The following DDX31 variants were observed in gnomAD, a reference collection of about 807,000 sequenced individuals.
DDX31 encodes ATP-dependent DNA helicase DDX31.
A neutral mutation model predicts 91.3 loss-of-function variants in DDX31; 70 were observed. The observed-to-expected ratio is 0.77, with a 90% CI of 0.63 to 0.94. The LOEUF (loss-of-function observed/expected upper bound fraction) is 0.94. Ranked by LOEUF, DDX31 falls within the 40% of genes least tolerant of loss-of-function variation. The pLI, the probability that DDX31 is intolerant of heterozygous loss-of-function variation, is 0.00. For synonymous variants in DDX31, 362 were observed against 350.6 expected, an observed-to-expected ratio of 1.03 and a Z score of -0.36; for missense variants, 902 against 925.0, an observed-to-expected ratio of 0.98 and a Z score of 0.32.
chr9:132,665,832 C>T (rs992494093), intron 1 of DDX31, among the ~76,000 whole-genome samples: 5 of 152,162 alleles, frequency 3.3e-5, no homozygotes, highest in South Asian at 2.1e-4. Context: ...GTACTGTTAT[C>T]ATCTCATTTT....
At chr9:132,646,142 T>G in intron 12 of DDX31, 71 bp from the exon 13 acceptor site, 1 of 1,492,888 alleles carries the variant, frequency 6.7e-7, no homozygotes, top group African/African-American at 1.4e-5. Context: ...AATATTTCTC[T>G]AAACTATACA....
chr9:132,635,066 C>T (rs1833023149), intron 14 of DDX31, among the ~76,000 whole-genome samples: 2 of 152,180 alleles, frequency 1.3e-5, no homozygotes, highest in African/African-American at 4.8e-5. Context: ...ATTTGTCTAA[C>T]TGCTTCCTCA....
intron 16 of DDX31, among the ~76,000 whole-genome samples, chr9:132,627,901 C>T (rs1037547125): frequency 2.6e-5 from 4 of 152,234 alleles, no homozygotes; most frequent in African/African-American, 9.6e-5. Flanking sequence ...TGTTCTCAGG[C>T]ACGAAACATG....
At chr9:132,669,405 A>G (rs1835559867) in intron 1 of DDX31, among the ~76,000 whole-genome samples, 1 of 152,098 alleles carries the variant, frequency 6.6e-6, no homozygotes, top group African/African-American at 2.4e-5. Flanking sequence ...GTTAAATGAA[A>G]GCCATCTGAT....
intron 12 of DDX31, 124 bp downstream of exon 12, chr9:132,646,699 G>A (rs1016701548): frequency 1.2e-6 from 1 of 864,794 alleles, no homozygotes. Flanking sequence ...TCTGCATCCG[G>A]AATGCAGACA....
intron 17 of DDX31, 57 bp from the exon 18 acceptor site, chr9:132,618,498 A>G (rs545843112): frequency 7.5e-6 from 11 of 1,471,482 alleles, no homozygotes; most frequent in Middle Eastern, 1.8e-4. Context: ...GGAATAATGA[A>G]GCAGTTTATA....
chr9:132,626,722 C>A (rs1262416246), intron 16 of DDX31, among the ~76,000 whole-genome samples: 2 of 151,742 alleles, frequency 1.3e-5, no homozygotes, highest in Admixed American at 6.6e-5. Flanking sequence ...CCCCCTTTCA[C>A]CCAAAGGTTA....
At chr9:132,658,183 G>A (rs1173526589) in intron 6 of DDX31, 1 of 664,596 alleles carries the variant, frequency 1.5e-6, no homozygotes, top group African/African-American at 1.8e-5. Context: ...ACATAGCACA[G>A]GAGCCAGGAA....
At chr9:132,614,838 A>C (rs1299540595) in intron 18 of DDX31, among the ~76,000 whole-genome samples, 4 of 152,096 alleles carry the variant, frequency 2.6e-5, no homozygotes, top group Non-Finnish European at 5.9e-5. Flanking sequence ...ATTTTTACTA[A>C]ACCTCCTTGT....
chr9:132,639,688 G>C (rs926160802), intron 14 of DDX31, among the ~76,000 whole-genome samples: 12 of 152,190 alleles, frequency 7.9e-5, no homozygotes, highest in African/African-American at 2.9e-4. Flanking sequence ...ACAAACAACA[G>C]AACTTCAGAT....
intron 19 of DDX31, among the ~76,000 whole-genome samples, chr9:132,605,588 G>A (rs151043869): frequency 1.3e-5 from 2 of 152,288 alleles, no homozygotes; most frequent in African/African-American, 2.4e-5. Flanking sequence ...AGGGGCAGAC[G>A]CTGACCACAC....
intron 16 of DDX31, among the ~76,000 whole-genome samples, chr9:132,629,205 CAAAT>C (rs1346391508): frequency 6.6e-6 from 1 of 152,116 alleles, no homozygotes; most frequent in Admixed American, 6.5e-5. Context: ...TCTTCCTTAA[CAAAT>C]AAAAACCACT....
chr9:132,640,158 G>A (rs1833401467), intron 14 of DDX31, among the ~76,000 whole-genome samples: 1 of 152,186 alleles, frequency 6.6e-6, no homozygotes, highest in Non-Finnish European at 1.5e-5. Flanking sequence ...CAGACCAGGT[G>A]GGATGATCAT....
At chr9:132,620,853 G>C (rs987012129) in intron 17 of DDX31, among the ~76,000 whole-genome samples, 1 of 152,088 alleles carries the variant, frequency 6.6e-6, no homozygotes, top group African/African-American at 2.4e-5. Context: ...CCAAGACACA[G>C]AGTCAGTACT....
chr9:132,663,574 G>A lies in DDX31; in HGVS notation c.76-879C>T, dbSNP rs910211483. On this transcript the variant is annotated intron_variant, in intron 1 of 19. Transcript: ENST00000372159. Reference sequence around the variant, plus strand: ...TGGCCTTCTTTTCTGATTTACAAATGAATATAAAAGCATCCCTTGAGTAGC... The same window carrying A: ...TGGCCTTCTTTTCTGATTTACAAATAAATATAAAAGCATCCCTTGAGTAGC... 7 of 963,268 alleles carry A rather than the reference G, an allele frequency of 7.3e-6. No individual in the cohort carries two copies. The African/African-American group carries it at 8.8e-5, about 12-fold the overall frequency. The allele number at this position is 963,268 out of a possible 1,614,324, so 59.7% of individuals were successfully genotyped here.
rs760914075 is a variant in DDX31, at chr9:132,612,314, G to A, written c.1826-59C>T. ...AGGACCGGGGTCTCCAAGCTCCAAA[G>A]TGCCCGGCCTAATGGTTATCTTCTG... On this transcript the variant is annotated intron_variant, in intron 18 of 19. Transcript: ENST00000372159. The A allele has an allele frequency of 5.6e-6, 9 of 1,601,582 alleles. No homozygotes were observed. In the African/African-American group the frequency reaches 8.0e-5, roughly 14 times the overall value.
At chr9:132,634,236 A>G (rs1377585733) in intron 14 of DDX31, among the ~76,000 whole-genome samples, 2 of 152,166 alleles carry the variant, frequency 1.3e-5, no homozygotes, top group African/African-American at 2.4e-5. Flanking sequence ...TTATTTAGAA[A>G]AATTTAAACC....
intron 19 of DDX31, among the ~76,000 whole-genome samples, chr9:132,599,732 C>T (rs1830630423): frequency 6.6e-6 from 1 of 152,216 alleles, no homozygotes; most frequent in Non-Finnish European, 1.5e-5. Flanking sequence ...GACAGACAGA[C>T]AGACAGGGGT....
chr9:132,636,044 CAGA>C (rs1444971865), intron 14 of DDX31, among the ~76,000 whole-genome samples: 1 of 152,220 alleles, frequency 6.6e-6, no homozygotes, highest in Non-Finnish European at 1.5e-5. Flanking sequence ...ATCACTCCCC[CAGA>C]AGGACCACTG....
Sources: allele counts gnomAD v4.1 joint callset (sites outside exome capture counted in the v4.1 genomes callset), GRCh38; gene constraint gnomAD v4.1.1; transcripts MANE v1.5; gene names NCBI Gene and HGNC (gene_info 2026-07-23, HGNC 2026-07-21).